The following DOHH variants were observed in gnomAD, a reference collection of about 807,000 sequenced individuals.
DOHH encodes the protein deoxyhypusine hydroxylase.
Under a neutral mutation model 19.9 loss-of-function variants are expected in DOHH, and 16 were observed. That is an observed-to-expected ratio of 0.80 (90% CI 0.54 to 1.22). The LOEUF is 1.22. Among genes scored for constraint, DOHH ranks in the 50% most tolerant of loss-of-function variants. DOHH has a pLI of 0.00. For synonymous variants in DOHH, 233 were observed against 217.0 expected (o/e 1.07, Z -0.65); for missense variants, 460 against 460.6 (o/e 1.00, Z 0.01).
At chr19:3,494,205 A>C (rs1364308997) in intron 2 of DOHH, 101 bp from the exon 3 acceptor site, 1 of 1,033,862 alleles carries the variant, frequency 9.7e-7, no homozygotes, top group Non-Finnish European at 1.4e-6. Context: ...GGGCTCTGCC[A>C]CTGTGGGGAA....
chr19:3,498,070 A>G (rs1394743614), intron 1 of DOHH, among the ~76,000 whole-genome samples: 1 of 152,154 alleles, frequency 6.6e-6, no homozygotes, highest in Non-Finnish European at 1.5e-5. Context: ...AAGGCCCTTC[A>G]TGACCATCTC....
intron 1 of DOHH, 113 bp downstream of exon 1, chr19:3,500,448 C>G (rs1236137825): frequency 6.6e-6 from 1 of 152,280 alleles, no homozygotes; most frequent in East Asian, 1.9e-4. Flanking sequence ...TTAACCCGCC[C>G]CATCCACAGT....
At chr19:3,493,483 G>A (rs558341714) in intron 3 of DOHH, among the ~76,000 whole-genome samples, 121 of 151,998 alleles carry the variant, frequency 8.0e-4, no homozygotes, top group Non-Finnish European at 1.6e-3. Context: ...GGTGGCAGGC[G>A]CCTGTAGTCC....
In DOHH at chr19:3,491,313, G is replaced by A; in HGVS notation, c.*179C>T. 1.5e-6 allele frequency: 1 copy of A among 663,764 alleles called. No homozygotes were observed. 41.1% of individuals were successfully genotyped at this position (663,764 alleles called of 1,614,324 possible). On this transcript the variant is annotated 3_prime_UTR_variant, in exon 5 of 5. Coordinates refer to ENST00000427575, the MANE Select transcript of DOHH (RefSeq NM_001145165.2). This position sits in a 1 kb window ranked among gnomAD's most constrained non-coding sequence, Gnocchi z 5.6. The stretch of plus-strand genomic sequence containing the variant: ...CCCGAGGAGCAGTCAGGGGACTCAG[G>A]GAGTCACAGCACAACGGCAGCTCCT...
chr19:3,496,667 CG>C lies in DOHH; in HGVS notation c.147del (p.Asp49GlufsTer59). ...AIAWISQAFDDDSALLKHELA... is the reference protein window; with the variant it reads ...AIAWISQAFDXDSALLKHELA... ...AGCTCGTGCTTGAGCAGGGCGGAAT[CG>C]TCATCGAAGGCCTGGCTGATCCATG... On this transcript the variant is annotated frameshift_variant, in exon 2 of 5. Transcript: ENST00000427575. LOFTEE classifies it high-confidence loss of function. This position sits in a 1 kb window ranked among gnomAD's most constrained non-coding sequence, Gnocchi z 4.8. The C allele has an allele frequency of 6.2e-7, 1 of 1,613,966 alleles. No individual in the cohort carries two copies. The highest frequency in any genetic ancestry group is 8.5e-7 in the Non-Finnish European group (1 of 1,179,998).
intron 2 of DOHH, among the ~76,000 whole-genome samples, chr19:3,494,602 G>A (rs1473854658): frequency 2.0e-5 from 3 of 152,262 alleles, no homozygotes; most frequent in Non-Finnish European, 2.9e-5. Flanking sequence ...AGGTGGGTTC[G>A]GGTACAGGCG....
intron 1 of DOHH, among the ~76,000 whole-genome samples, chr19:3,498,184 G>A (rs932815399): frequency 5.9e-5 from 9 of 152,098 alleles, no homozygotes; most frequent in Non-Finnish European, 8.8e-5. Flanking sequence ...TGCATTTGCT[G>A]TGATCTCCAT....
chr19:3,499,274 A>G (rs2082931904), intron 1 of DOHH, among the ~76,000 whole-genome samples: 1 of 152,104 alleles, frequency 6.6e-6, no homozygotes, highest in African/African-American at 2.4e-5. Context: ...TTACTCTTCC[A>G]TCTCTTTTCA....
Position 3,496,983 on chromosome 19 carries a change from C to A in DOHH, c.-72-97G>T. On this transcript the variant is annotated intron_variant, in intron 1 of 4. Coordinates refer to ENST00000427575, the MANE Select transcript of DOHH (RefSeq NM_001145165.2). This position sits in a 1 kb window ranked among gnomAD's most constrained non-coding sequence, Gnocchi z 4.8. ...GTGGGGCAAATTCCTACCCACTGACCAACCTGAGCATCTACGCTGAAAGCT... is the reference window on the plus strand; with the variant it reads ...GTGGGGCAAATTCCTACCCACTGACAAACCTGAGCATCTACGCTGAAAGCT... 1 of 789,292 alleles carries A rather than the reference C, an allele frequency of 1.3e-6. No individual in the cohort carries two copies. Among genetic ancestry groups the A allele is most frequent in the Non-Finnish European group, 1.8e-6 (1 of 568,954 alleles). 48.9% of individuals were successfully genotyped at this position (789,292 alleles called of 1,614,324 possible).
In DOHH at chr19:3,494,009, C is replaced by T. The variant is rs780469210; in HGVS notation, c.351+19G>A. ...CAGGGACCCGAGACTGGCAGGGAGA[C>T]AAGCAGGGGCCTGGTTACCTCGATG... On this transcript the variant is annotated intron_variant, in intron 3 of 4. Transcript: ENST00000427575. 6 of 1,608,796 alleles carry T rather than the reference C, an allele frequency of 3.7e-6. No individual in the cohort carries two copies. Among genetic ancestry groups the T allele is most frequent in the Non-Finnish European group, 5.1e-6 (6 of 1,176,890 alleles).
At chr19:3,492,524 C>A (rs1032005016) in intron 3 of DOHH, 25 bp from the exon 4 acceptor site, 2 of 1,368,754 alleles carry the variant, frequency 1.5e-6, no homozygotes, top group East Asian at 6.1e-5. Context: ...TATCAGGCAG[C>A]GGGTTGGCCC....
intron 2 of DOHH, among the ~76,000 whole-genome samples, chr19:3,494,777 C>T (rs557363603): frequency 2.0e-5 from 3 of 152,208 alleles, no homozygotes; most frequent in Non-Finnish European, 4.4e-5. Flanking sequence ...TTGCGGTTTG[C>T]GTTTGTGCAC....
At chr19:3,493,436 C>T (rs540077660) in intron 3 of DOHH, among the ~76,000 whole-genome samples, 134 of 152,210 alleles carry the variant, frequency 8.8e-4, no homozygotes, top group Non-Finnish European at 1.4e-3. Flanking sequence ...GGTGAAACCC[C>T]GTCTCTACTA....
intron 1 of DOHH, among the ~76,000 whole-genome samples, chr19:3,498,733 G>T (rs1014908006): frequency 6.6e-6 from 1 of 152,060 alleles, no homozygotes; most frequent in Non-Finnish European, 1.5e-5. Context: ...AATGTGACCC[G>T]TTTAGGATGA....
chr19:3,500,266 G>C (rs1419494705), intron 1 of DOHH, among the ~76,000 whole-genome samples: 2 of 152,174 alleles, frequency 1.3e-5, no homozygotes, highest in African/African-American at 4.8e-5. Flanking sequence ...AAAGGAGAGT[G>C]ACACCTTTAA....
rs1229604735 is a variant in DOHH, at chr19:3,500,570, G to C, written c.-82C>G. ...CTCCGGGACGCCTCACCGAGCTCTG[G>C]AGACTCAGGACCCGTCGGCCCGGCC... On this transcript the variant is annotated 5_prime_UTR_variant, in exon 1 of 5. Coordinates refer to ENST00000427575, the MANE Select transcript of DOHH (RefSeq NM_001145165.2). The C allele has an allele frequency of 6.6e-6, 1 of 152,242 alleles. No homozygotes were observed. Among genetic ancestry groups the C allele is most frequent in the Non-Finnish European group, 1.5e-5 (1 of 68,062 alleles). 9.4% of individuals were successfully genotyped at this position (152,242 alleles called of 1,614,324 possible).
At chr19:3,494,823 G>A (rs1254648849) in intron 2 of DOHH, among the ~76,000 whole-genome samples, 2 of 152,202 alleles carry the variant, frequency 1.3e-5, no homozygotes, top group East Asian at 3.8e-4. Flanking sequence ...GAAAAGTCCC[G>A]TATGCGCCAA....
chr19:3,497,027 T>A, intron 1 of DOHH, 141 bp from the exon 2 acceptor site: 2 of 508,440 alleles, frequency 3.9e-6, no homozygotes, highest in Non-Finnish European at 6.2e-6. Context: ...ACCTCCCTAC[T>A]AGCTGTGCAG....
intron 1 of DOHH, among the ~76,000 whole-genome samples, chr19:3,500,158 T>C (rs2082939633): frequency 6.6e-6 from 1 of 152,188 alleles, no homozygotes. Flanking sequence ...ACAGGCTGGC[T>C]ATGGCATGCT....
Sources: gnomAD v4.1 joint callset for allele counts (sites outside exome capture counted in the v4.1 genomes callset) on GRCh38, gnomAD v4.1.1 for gene constraint, Gnocchi (gnomAD v3.1) non-coding constraint, MANE v1.5 for transcripts, NCBI Gene and HGNC (gene_info 2026-07-23, HGNC 2026-07-21) for gene names.